The following CCDC62 variants were observed in gnomAD, a reference collection of about 807,000 sequenced individuals.
CCDC62 encodes the protein coiled-coil domain containing 62, also known as coiled-coil domain-containing protein 62.
In CCDC62, 72 loss-of-function variants were observed where a neutral mutation model predicts 80.8. The observed-to-expected ratio is 0.89, with a 90% CI of 0.74 to 1.08. The LOEUF is 1.08. CCDC62 is among the 50% of genes least tolerant of loss of function. CCDC62 has a pLI of 0.00. For synonymous variants in CCDC62, 286 were observed against 296.5 expected, an observed-to-expected ratio of 0.96 and a Z score of 0.36; for missense variants, 704 against 809.4, an observed-to-expected ratio of 0.87 and a Z score of 1.58.
intron 2 of CCDC62, among the ~76,000 whole-genome samples, chr12:122,779,780 T>A (rs1403352224): frequency 1.3e-5 from 2 of 151,878 alleles, no homozygotes; most frequent in East Asian, 3.9e-4. Flanking sequence ...TGCTGGCTCA[T>A]GCCTGTAATC....
intron 12 of CCDC62, 81 bp downstream of exon 12, chr12:122,823,540 A>C: frequency 1.4e-6 from 1 of 722,874 alleles, no homozygotes; most frequent in Non-Finnish European, 2.4e-6. Flanking sequence ...ACGTTGAGTC[A>C]AGGCCATGCA....
At position 122,826,473 on chromosome 12, in the gene CCDC62, C is replaced by T. The variant is rs762353441; in HGVS notation, c.*92C>T. ...AGCAGACACCAATACTGAATGAATACTTAACCGTAAAACTGAAAGAGGATT... is the reference window on the plus strand; with the variant it reads ...AGCAGACACCAATACTGAATGAATATTTAACCGTAAAACTGAAAGAGGATT... On this transcript the variant is annotated 3_prime_UTR_variant, in exon 13 of 13. Transcript: ENST00000253079. 5.1e-6 allele frequency: 4 copies of T among 777,066 alleles called. No individual in the cohort carries two copies. The highest frequency in any genetic ancestry group is 2.4e-5 in the East Asian group (1 of 41,088). 48.1% of individuals were successfully genotyped at this position (777,066 alleles called of 1,614,324 possible).
intron 11 of CCDC62, among the ~76,000 whole-genome samples, chr12:122,816,771 C>CTG (rs1455831456): frequency 6.6e-6 from 1 of 151,562 alleles, no homozygotes; most frequent in Non-Finnish European, 1.5e-5. Flanking sequence ...TATTTACATA[C>CTG]AATTCACCCT....
At chr12:122,794,380 G>T (rs2135549040) in intron 6 of CCDC62, among the ~76,000 whole-genome samples, 1 of 151,914 alleles carries the variant, frequency 6.6e-6, no homozygotes, top group South Asian at 2.1e-4. Flanking sequence ...TTTTTTGTAT[G>T]GATGAGGTTC....
At chr12:122,801,095 C>T in intron 8 of CCDC62, 29 bp from the exon 9 acceptor site, 1 of 1,579,848 alleles carries the variant, frequency 6.3e-7, no homozygotes. Context: ...TATCTTATAA[C>T]CTCCATTTTT....
intron 6 of CCDC62, among the ~76,000 whole-genome samples, chr12:122,792,914 T>C (rs747333788): frequency 4.6e-5 from 7 of 152,214 alleles, no homozygotes; most frequent in East Asian, 1.9e-4. Context: ...TTTCCTCTTC[T>C]GTAAAATGAG....
At chr12:122,801,012 A>T in intron 8 of CCDC62, 112 bp from the exon 9 acceptor site, 1 of 1,175,624 alleles carries the variant, frequency 8.5e-7, no homozygotes, top group Non-Finnish European at 1.2e-6. Context: ...TCTGAGGTTC[A>T]GACAAACGAG....
chr12:122,782,346 A>G (rs771670112), intron 3 of CCDC62, among the ~76,000 whole-genome samples: 5 of 152,172 alleles, frequency 3.3e-5, no homozygotes, highest in East Asian at 1.9e-4. Flanking sequence ...CCGTTATGCC[A>G]TTTGGTTTAG....
Position 122,800,164 on chromosome 12 carries a change from CTT to C in CCDC62, c.978-937_978-936del, listed in dbSNP as rs59113229. On this transcript the variant is annotated intron_variant, in intron 8 of 12. Coordinates refer to ENST00000253079, the MANE Select transcript of CCDC62 (RefSeq NM_201435.5). ...AGGCATGCGCCACCATGCCCGGCTA[CTT>C]TTTTTTTTTTTTTTTTTTTTTTGTA... 1.8e-4 allele frequency among the ~76,000 whole-genome samples: 19 copies of C among 104,976 alleles called. No individual in the cohort carries two copies. In the East Asian group the frequency reaches 2.2e-3, roughly 12 times the overall value. The allele number at this position is 104,976 out of a possible 152,430, so 68.9% of individuals were successfully genotyped here. A position where few individuals can be genotyped will look rare whatever the true frequency, so the allele number is the denominator to read the frequency against.
intron 5 of CCDC62, among the ~76,000 whole-genome samples, chr12:122,790,250 C>T (rs920275814): frequency 6.6e-6 from 1 of 152,130 alleles, no homozygotes; most frequent in Non-Finnish European, 1.5e-5. Context: ...AGGGTTTCAT[C>T]ATGTTGGTCA....
At chr12:122,814,803 C>T (rs1313409107) in intron 11 of CCDC62, among the ~76,000 whole-genome samples, 3 of 151,630 alleles carry the variant, frequency 2.0e-5, no homozygotes, top group South Asian at 4.2e-4. Flanking sequence ...CCACCCTGCC[C>T]GGCCTAATTT....
chr12:122,783,365 C>T (rs1372000930), intron 3 of CCDC62, among the ~76,000 whole-genome samples: 2 of 151,414 alleles, frequency 1.3e-5, no homozygotes, highest in African/African-American at 4.8e-5. Flanking sequence ...GTAGCTGGGA[C>T]TACAGGCGCC....
chr12:122,805,143 C>G (rs555690875), intron 9 of CCDC62, among the ~76,000 whole-genome samples: 6 of 150,058 alleles, frequency 4.0e-5, no homozygotes, highest in Non-Finnish European at 8.9e-5. Flanking sequence ...CCTCGGCCTC[C>G]CAAAGTATGG....
chr12:122,784,223 A>C (rs181764715), intron 3 of CCDC62, among the ~76,000 whole-genome samples: 1 of 152,254 alleles, frequency 6.6e-6, no homozygotes, highest in African/African-American at 2.4e-5. Context: ...TCTTTTTAAA[A>C]GTCTAAATAG....
chr12:122,788,998 A>G, intron 5 of CCDC62, 69 bp downstream of exon 5: 1 of 1,245,942 alleles, frequency 8.0e-7, no homozygotes, highest in Non-Finnish European at 1.1e-6. Context: ...ATCTGGGTTC[A>G]CTTAATCTTA....
At chr12:122,805,523 T>TTC (rs1252684909) in intron 9 of CCDC62, among the ~76,000 whole-genome samples, 3 of 135,262 alleles carry the variant, frequency 2.2e-5, no homozygotes, top group African/African-American at 8.2e-5. Flanking sequence ...TTTTTTTTTT[T>TTC]TTTTTTTTTG....
intron 5 of CCDC62, among the ~76,000 whole-genome samples, chr12:122,791,637 C>T (rs559096485): frequency 9.2e-5 from 14 of 151,958 alleles, no homozygotes; most frequent in African/African-American, 1.5e-4. Flanking sequence ...TTAGTAGAGA[C>T]GGGGTTTCAC....
intron 10 of CCDC62, among the ~76,000 whole-genome samples, chr12:122,810,555 C>CT (rs1555257577): frequency 6.6e-6 from 1 of 151,308 alleles, no homozygotes; most frequent in Non-Finnish European, 1.5e-5. Flanking sequence ...AATAGAAACA[C>CT]TTTTACACTG....
chr12:122,795,016 C>A (rs1182621845), intron 6 of CCDC62, among the ~76,000 whole-genome samples: 1 of 151,870 alleles, frequency 6.6e-6, no homozygotes, highest in Admixed American at 6.6e-5. Flanking sequence ...GATAATATGC[C>A]GTCAAGTGCT....
Sources: allele counts gnomAD v4.1 joint callset (sites outside exome capture counted in the v4.1 genomes callset), GRCh38; gene constraint gnomAD v4.1.1; transcripts MANE v1.5; gene names NCBI Gene and HGNC (gene_info 2026-07-23, HGNC 2026-07-21).